Variants in COL11A1 observed in about 807,000 individuals in gnomAD.
The protein encoded by COL11A1 is collagen alpha-1(XI) chain.
A neutral mutation model predicts 265.2 loss-of-function variants in COL11A1; 74 were observed. The ratio of observed to expected loss-of-function variants is 0.28; its 90% CI spans 0.23 to 0.34. COL11A1 has a LOEUF of 0.34. COL11A1 is among the 10% of genes least tolerant of loss of function. COL11A1 has a pLI of 1.00. For synonymous variants in COL11A1, 816 were observed against 727.6 expected, an observed-to-expected ratio of 1.12 and a Z score of -1.96; for missense variants, 2,165 against 2,263.6, an observed-to-expected ratio of 0.96 and a Z score of 0.88.
chr1:102,888,748 C>A lies in COL11A1; in HGVS notation c.4529G>T (p.Gly1510Val). 1.2e-6 allele frequency: 2 copies of A among 1,613,892 alleles called. No individual in the cohort carries two copies. Among genetic ancestry groups the A allele is most frequent in the Non-Finnish European group, 8.5e-7 (1 of 1,179,888 alleles). Residue 1510 changes from glycine to valine, a missense_variant, in exon 61 of 67, where the codon GGC (glycine) becomes GTC (valine). Physicochemically the swap from Gly to Val is moderately radical, Grantham distance 109 (BLOSUM62 -3). Transcript: ENST00000370096. The part of the protein sequence containing the change: ...PGPPGLPGPQ[G>V]PKGNKGSTGP... ...AGTAGAGCCTTTGTTACCCTTTGGG[C>A]CTTGAGGACCCTACAAAATGCAAAT... is the stretch of plus-strand genomic sequence containing the variant.
At chr1:102,946,989 A>G (rs1441037297) in intron 41 of COL11A1, 33 bp from the exon 42 acceptor site, 2 of 1,524,028 alleles carry the variant, frequency 1.3e-6, no homozygotes, top group South Asian at 2.3e-5. Context: ...TTTTGTTATT[A>G]AAGAAAGTAA....
intron 4 of COL11A1, among the ~76,000 whole-genome samples, chr1:103,032,403 G>T (rs191755437): frequency 4.7e-4 from 71 of 152,076 alleles, no homozygotes; most frequent in African/African-American, 1.7e-3. Context: ...TACTTATTGA[G>T]AAAGTATTAT....
At chr1:103,100,666 C>A (rs973978055) in intron 1 of COL11A1, 3 of 151,858 alleles carry the variant, frequency 2.0e-5, no homozygotes, top group Admixed American at 6.6e-5. Context: ...TAATATTAGG[C>A]CCCAGGGCAC....
chr1:102,969,838 C>T (rs1325337009), intron 37 of COL11A1, among the ~76,000 whole-genome samples: 2 of 152,090 alleles, frequency 1.3e-5, no homozygotes, highest in Non-Finnish European at 2.9e-5. Context: ...TATTCGTAAT[C>T]TGTTGCCTTT....
chr1:103,040,543 G>C (rs1052619830), intron 4 of COL11A1, among the ~76,000 whole-genome samples: 7 of 151,308 alleles, frequency 4.6e-5, no homozygotes, highest in Admixed American at 1.3e-4. Flanking sequence ...ATTACAAAAG[G>C]ATTCTTCATA....
chr1:103,014,214 G>A (rs1183178371), intron 13 of COL11A1, among the ~76,000 whole-genome samples: 1 of 151,920 alleles, frequency 6.6e-6, no homozygotes. Context: ...TGCACTAGGT[G>A]TAAATATATC....
chr1:102,962,839 T>C, intron 38 of COL11A1, 79 bp from the exon 39 acceptor site: 1 of 1,245,912 alleles, frequency 8.0e-7, no homozygotes, highest in South Asian at 1.2e-5. Flanking sequence ...AACAGTATTA[T>C]TACATTTACA....
At chr1:102,893,452 T>C (rs1176833510) in intron 57 of COL11A1, among the ~76,000 whole-genome samples, 1 of 152,106 alleles carries the variant, frequency 6.6e-6, no homozygotes, top group Non-Finnish European at 1.5e-5. Context: ...TCGAGAGCAG[T>C]TATAAATAAC....
chr1:102,983,698 G>A (rs745413994), intron 31 of COL11A1, among the ~76,000 whole-genome samples: 8 of 151,946 alleles, frequency 5.3e-5, no homozygotes, highest in Non-Finnish European at 1.2e-4. Context: ...TACGTTTGTG[G>A]AGATTTGTCA....
chr1:103,002,837 C>G, intron 21 of COL11A1, 46 bp from the exon 22 acceptor site: 1 of 1,541,988 alleles, frequency 6.5e-7, no homozygotes, highest in Non-Finnish European at 9.0e-7. Flanking sequence ...TGTTTTGATG[C>G]TAAAACAGAA....
At chr1:103,049,453 T>C (rs1669601075) in intron 4 of COL11A1, among the ~76,000 whole-genome samples, 1 of 152,196 alleles carries the variant, frequency 6.6e-6, no homozygotes, top group African/African-American at 2.4e-5. Flanking sequence ...ATTTGCTTGG[T>C]AGATCTTCCT....
chr1:103,015,606 T>C, intron 12 of COL11A1, 62 bp downstream of exon 12: 5 of 1,277,278 alleles, frequency 3.9e-6, no homozygotes, highest in Non-Finnish European at 5.6e-6. Context: ...GGTTCAACAA[T>C]AAACTTCAGA....
Position 102,939,068 on chromosome 1 carries a change from T to C in COL11A1, c.3405A>G (p.Gly1135=). The part of the protein sequence containing the change: ...DGDKGEIGEP[G]QKGSKGDKGE... The stretch of plus-strand genomic sequence containing the variant: ...CCTTGTCACCCTTGCTGCCTTTTTG[T>C]CCCGGCTCACCAATTTCACCCTGAA... Residue 1135 remains glycine (G), a synonymous_variant, in exon 44 of 67, where the codon GGA becomes GGG. Coordinates refer to ENST00000370096, the MANE Select transcript of COL11A1 (RefSeq NM_001854.4). The C allele has an allele frequency of 1.9e-6, 3 of 1,613,850 alleles. No homozygotes were observed. Among genetic ancestry groups the C allele is most frequent in the Non-Finnish European group, 2.5e-6 (3 of 1,179,864 alleles).
intron 4 of COL11A1, among the ~76,000 whole-genome samples, chr1:103,040,042 A>G (rs767686754): frequency 1.1e-4 from 17 of 152,078 alleles, no homozygotes; most frequent in Non-Finnish European, 2.5e-4. Context: ...AACTACAAAT[A>G]AAGAATTTAA....
At chr1:103,076,230 T>G in intron 3 of COL11A1, among the ~76,000 whole-genome samples, 1 of 152,064 alleles carries the variant, frequency 6.6e-6, no homozygotes. Context: ...AGTCAGAAAA[T>G]TCTATCAGTT....
intron 65 of COL11A1, among the ~76,000 whole-genome samples, chr1:102,880,964 T>C (rs1344191395): frequency 3.3e-5 from 5 of 152,040 alleles, no homozygotes; most frequent in Non-Finnish European, 7.4e-5. Flanking sequence ...TAGAGAATTA[T>C]AACTCCAGTG....
Position 102,997,075 on chromosome 1 carries a change from C to A in COL11A1, c.2241+5G>T, listed in dbSNP as rs2101800665. On this transcript the variant is annotated splice_donor_5th_base_variant and intron_variant, in intron 26 of 66. Coordinates refer to ENST00000370096, the MANE Select transcript of COL11A1 (RefSeq NM_001854.4). ...GGACATTTAAATGGATACTTTGGAA[C>A]CTACCAGAGCCCCCTTTTCTCCAGA... is the stretch of plus-strand genomic sequence containing the variant. The A allele has an allele frequency of 6.2e-7, 1 of 1,611,556 alleles. No homozygotes were observed. Among genetic ancestry groups the A allele is most frequent in the East Asian group, 2.2e-5 (1 of 44,712 alleles).
chr1:102,905,209 A>G (rs780971833), intron 54 of COL11A1, among the ~76,000 whole-genome samples: 2 of 117,740 alleles, frequency 1.7e-5, no homozygotes, highest in Non-Finnish European at 3.3e-5. Flanking sequence ...AACATCACAC[A>G]CCAGGGACTG....
chr1:103,108,306 A>T lies in COL11A1; in HGVS notation c.-128T>A. ...CCATTGGGGAGGGAGAGGGGGAAAA[A>T]GTCAAAGGGCTTTTTCTTCTAAATT... On this transcript the variant is annotated 5_prime_UTR_variant, in exon 1 of 67. Coordinates refer to ENST00000370096, the MANE Select transcript of COL11A1 (RefSeq NM_001854.4). 1 of 737,434 alleles carries T rather than the reference A, an allele frequency of 1.4e-6. No homozygotes were observed. Among genetic ancestry groups the T allele is most frequent in the East Asian group, 2.7e-5 (1 of 37,382 alleles). 45.7% of individuals were successfully genotyped at this position (737,434 alleles called of 1,614,324 possible).
Sources: allele counts gnomAD v4.1 joint callset (sites outside exome capture counted in the v4.1 genomes callset), GRCh38; gene constraint gnomAD v4.1.1; transcripts MANE v1.5; gene names NCBI Gene and HGNC (gene_info 2026-07-23, HGNC 2026-07-21).